CDIN1: variants seen among roughly 807,000 people sequenced by gnomAD.
CDIN1 encodes the protein CDAN1-interacting nuclease 1.
A neutral mutation model predicts 45.3 loss-of-function variants in CDIN1; 33 were observed. The ratio of observed to expected loss-of-function variants is 0.73; its 90% CI spans 0.55 to 0.97. CDIN1 has a LOEUF of 0.97. CDIN1 is among the 50% of genes least tolerant of loss of function. The probability of loss-of-function intolerance (pLI) is 0.00; values close to 1 mark genes in which losing one functional copy is unlikely to be tolerated. For synonymous variants in CDIN1, 118 were observed against 124.4 expected (o/e 0.95, Z 0.34); for missense variants, 303 against 339.4 (o/e 0.89, Z 0.84).
chr15:36,794,552 C>T (rs1490471707), intron 10 of CDIN1, among the ~76,000 whole-genome samples: 1 of 152,146 alleles, frequency 6.6e-6, no homozygotes, highest in Non-Finnish European at 1.5e-5. Context: ...CAGTATTTGT[C>T]CGTTTATGAC....
At chr15:36,791,620 CATA>C (rs1341763853) in intron 10 of CDIN1, among the ~76,000 whole-genome samples, 1 of 151,884 alleles carries the variant, frequency 6.6e-6, no homozygotes, top group African/African-American at 2.4e-5. Context: ...AGACATTGGA[CATA>C]ATATTAGGAA....
At chr15:36,700,573 G>A (rs1222883249) in intron 8 of CDIN1, among the ~76,000 whole-genome samples, 1 of 150,728 alleles carries the variant, frequency 6.6e-6, no homozygotes, top group African/African-American at 2.4e-5. Flanking sequence ...TTTCTCACCG[G>A]GACCTTCCTG....
intron 10 of CDIN1, among the ~76,000 whole-genome samples, chr15:36,742,244 G>A: frequency 6.6e-6 from 1 of 152,150 alleles, no homozygotes. Context: ...CCAGCTGGAA[G>A]CCAATTTATA....
chr15:36,633,796 C>T (rs2039783213), intron 1 of CDIN1, among the ~76,000 whole-genome samples: 1 of 147,788 alleles, frequency 6.8e-6, no homozygotes, highest in South Asian at 2.2e-4. Flanking sequence ...CTCACTCTGT[C>T]ACCCAGGCTG....
chr15:36,614,089 A>G, intron 1 of CDIN1: 2 of 842,770 alleles, frequency 2.4e-6, no homozygotes, highest in South Asian at 2.6e-5. Flanking sequence ...TTGCTGAGAG[A>G]TCGGTAGCCA....
chr15:36,759,933 C>T (rs1239419215), intron 10 of CDIN1, among the ~76,000 whole-genome samples: 4 of 152,136 alleles, frequency 2.6e-5, no homozygotes, highest in African/African-American at 7.2e-5. Flanking sequence ...ATCCAGGCAC[C>T]TCCCACCAGG....
At chr15:36,691,529 A>G (rs2042250744) in intron 5 of CDIN1, among the ~76,000 whole-genome samples, 156 bp from the exon 6 acceptor site, 1 of 152,046 alleles carries the variant, frequency 6.6e-6, no homozygotes, top group Non-Finnish European at 1.5e-5. Flanking sequence ...GGTCTAATTA[A>G]AAGCTTCTGT....
intron 10 of CDIN1, among the ~76,000 whole-genome samples, chr15:36,767,078 A>G (rs1416190674): frequency 1.3e-5 from 2 of 152,048 alleles, no homozygotes; most frequent in Non-Finnish European, 2.9e-5. Context: ...GGTCTTATAT[A>G]TGTTTTTAAT....
intron 5 of CDIN1, among the ~76,000 whole-genome samples, chr15:36,684,174 C>T (rs2041956893): frequency 1.3e-5 from 2 of 149,376 alleles, no homozygotes; most frequent in South Asian, 4.3e-4. Context: ...GGAATGCTTC[C>T]AGTTTTTGCC....
chr15:36,789,142 C>T (rs907349387), intron 10 of CDIN1, among the ~76,000 whole-genome samples: 1 of 152,216 alleles, frequency 6.6e-6, no homozygotes, highest in African/African-American at 2.4e-5. Flanking sequence ...TCCTGGGTCA[C>T]ATGCAGTCTG....
At position 36,579,633 on chromosome 15, in the gene CDIN1, T is replaced by C. The variant is rs905934455; in HGVS notation, c.-228T>C. 3 of 503,558 alleles carry C rather than the reference T, an allele frequency of 6.0e-6. No individual in the cohort carries two copies. The highest frequency in any genetic ancestry group is 5.8e-5 in the African/African-American group (3 of 51,632). 31.2% of individuals were successfully genotyped at this position (503,558 alleles called of 1,614,324 possible). A position where few individuals can be genotyped will look rare whatever the true frequency, so the allele number is the denominator to read the frequency against. On this transcript the variant is annotated 5_prime_UTR_variant, in exon 1 of 11. Coordinates refer to ENST00000566621, the MANE Select transcript of CDIN1 (RefSeq NM_001321759.2). ...AGTAAGCCAAGCTAGGGCACTCTGG[T>C]GTACAGCCAGTCCCCGCCGCGGAGG...
chr15:36,783,774 G>A (rs79646687), intron 10 of CDIN1, among the ~76,000 whole-genome samples: 2,959 of 152,226 alleles, frequency 0.019, 104 homozygotes, highest in African/African-American at 0.066. Flanking sequence ...GACAAACACT[G>A]TACCACAAAG....
intron 1 of CDIN1, among the ~76,000 whole-genome samples, chr15:36,627,942 A>ATTT (rs35889540): frequency 4.2e-5 from 6 of 144,308 alleles, no homozygotes; most frequent in Admixed American, 6.8e-5. Context: ...GAGGCCTGTA[A>ATTT]TTTTTTTTTT....
chr15:36,718,174 G>A (rs982298371), intron 10 of CDIN1, among the ~76,000 whole-genome samples: 2 of 152,042 alleles, frequency 1.3e-5, no homozygotes, highest in African/African-American at 4.8e-5. Context: ...TCAAAAATCA[G>A]TTGTTCATAT....
chr15:36,797,200 T>G (rs1023523826), intron 10 of CDIN1, among the ~76,000 whole-genome samples: 1 of 152,238 alleles, frequency 6.6e-6, no homozygotes, highest in African/African-American at 2.4e-5. Context: ...TACAGTTCAC[T>G]TTAATAGTTT....
chr15:36,620,350 C>CA (rs1048396895), intron 1 of CDIN1, among the ~76,000 whole-genome samples: 12 of 150,316 alleles, frequency 8.0e-5, no homozygotes, highest in African/African-American at 2.2e-4. Flanking sequence ...AACTCTGTCT[C>CA]AAAAAAAATA....
chr15:36,765,977 C>T (rs1252144650), intron 10 of CDIN1, among the ~76,000 whole-genome samples: 3 of 152,180 alleles, frequency 2.0e-5, no homozygotes, highest in Non-Finnish European at 4.4e-5. Context: ...ATATTGCTAA[C>T]TATAGGTACT....
At chr15:36,664,295 T>C (rs935088409) in intron 5 of CDIN1, among the ~76,000 whole-genome samples, 6 of 152,236 alleles carry the variant, frequency 3.9e-5, no homozygotes, top group Admixed American at 3.3e-4. Context: ...TTGTGAATCA[T>C]GTATAAACGG....
chr15:36,613,860 C>T (rs1250954748), intron 1 of CDIN1: 1 of 1,588,916 alleles, frequency 6.3e-7, no homozygotes, highest in Non-Finnish European at 8.6e-7. Flanking sequence ...GAAGAGGTGG[C>T]TTGTAAGTGG....
Sources: allele counts gnomAD v4.1 joint callset (sites outside exome capture counted in the v4.1 genomes callset), GRCh38; gene constraint gnomAD v4.1.1; transcripts MANE v1.5; gene names NCBI Gene and HGNC (gene_info 2026-07-23, HGNC 2026-07-21).